Variants in ITGA9 observed in about 807,000 individuals in gnomAD.
ITGA9 encodes integrin subunit alpha 9.
A neutral mutation model predicts 127.8 loss-of-function variants in ITGA9; 56 were observed. The ratio of observed to expected loss-of-function variants is 0.44; its 90% CI spans 0.35 to 0.55. ITGA9 has a LOEUF of 0.55. Ranked by LOEUF, ITGA9 falls within the 20% of genes least tolerant of loss-of-function variation. The probability of loss-of-function intolerance (pLI) is 0.00; values close to 1 mark genes in which losing one functional copy is unlikely to be tolerated. For missense variants in ITGA9, 1,196 were observed against 1,347.1 expected (o/e 0.89, Z 1.76); for synonymous variants, 508 against 514.5 (o/e 0.99, Z 0.17).
At chr3:37,515,684 CGTGA>C (rs1698977436) in intron 9 of ITGA9, among the ~76,000 whole-genome samples, 6 of 152,114 alleles carry the variant, frequency 3.9e-5, no homozygotes, top group Non-Finnish European at 7.3e-5. Flanking sequence ...TGCAGTGAGC[CGTGA>C]TCATGCCACT....
chr3:37,664,813 A>G (rs1486241918), intron 17 of ITGA9, among the ~76,000 whole-genome samples: 1 of 152,010 alleles, frequency 6.6e-6, no homozygotes, highest in African/African-American at 2.4e-5. Flanking sequence ...ATGTAATATC[A>G]TCACTATTAT....
chr3:37,655,543 G>GT (rs1295066487), intron 17 of ITGA9, among the ~76,000 whole-genome samples: 12 of 151,688 alleles, frequency 7.9e-5, no homozygotes, highest in Non-Finnish European at 1.3e-4. Flanking sequence ...TGATGGGGTT[G>GT]TTTTTTTTCT....
intron 27 of ITGA9, among the ~76,000 whole-genome samples, chr3:37,813,030 G>A (rs1697387354): frequency 6.6e-6 from 1 of 152,236 alleles, no homozygotes; most frequent in Non-Finnish European, 1.5e-5. Flanking sequence ...GTCTGAAGGA[G>A]GCCTACTTAA....
intron 1 of ITGA9, 98 bp from the exon 2 acceptor site, chr3:37,470,909 A>G (rs1334966220): frequency 4.1e-6 from 5 of 1,228,846 alleles, no homozygotes; most frequent in Admixed American, 1.7e-5. Flanking sequence ...CAAAGTGAGC[A>G]CTCAGAGAGC....
At chr3:37,774,890 A>G (rs1337184097) in intron 23 of ITGA9, among the ~76,000 whole-genome samples, 1 of 152,232 alleles carries the variant, frequency 6.6e-6, no homozygotes, top group African/African-American at 2.4e-5. Context: ...TATATAGTAA[A>G]TCCTGGAATG....
intron 15 of ITGA9, among the ~76,000 whole-genome samples, chr3:37,595,670 A>G (rs1345707013): frequency 6.6e-6 from 1 of 152,124 alleles, no homozygotes; most frequent in African/African-American, 2.4e-5. Context: ...CTGCTTCTCC[A>G]TTCCATTCCT....
chr3:37,616,617 C>G (rs1184358620), intron 15 of ITGA9, among the ~76,000 whole-genome samples: 1 of 152,166 alleles, frequency 6.6e-6, no homozygotes, highest in African/African-American at 2.4e-5. Flanking sequence ...TTGTAGGTCA[C>G]TAAGGGCTTG....
intron 15 of ITGA9, among the ~76,000 whole-genome samples, chr3:37,553,366 G>A (rs760068010): frequency 3.3e-5 from 5 of 152,150 alleles, no homozygotes; most frequent in African/African-American, 4.8e-5. Context: ...AGAAAATCCC[G>A]CACTATTGCA....
chr3:37,737,546 C>T (rs1170589647), intron 20 of ITGA9, among the ~76,000 whole-genome samples: 3 of 152,142 alleles, frequency 2.0e-5, no homozygotes, highest in African/African-American at 7.2e-5. Flanking sequence ...AGCATGTGCC[C>T]GCCCCTCTCC....
intron 18 of ITGA9, among the ~76,000 whole-genome samples, chr3:37,716,233 G>T (rs568381825): frequency 1.8e-3 from 275 of 152,296 alleles, no homozygotes; most frequent in Non-Finnish European, 3.1e-3. Context: ...CATCTGGGGG[G>T]TCAATGTGCA....
chr3:37,781,360 A>G (rs574841188), intron 25 of ITGA9, among the ~76,000 whole-genome samples: 1 of 152,352 alleles, frequency 6.6e-6, no homozygotes, highest in African/African-American at 2.4e-5. Context: ...GAAAGCAGCC[A>G]TAGACAACAC....
intron 15 of ITGA9, among the ~76,000 whole-genome samples, chr3:37,586,329 C>T (rs1416001751): frequency 6.6e-6 from 1 of 152,184 alleles, no homozygotes; most frequent in Non-Finnish European, 1.5e-5. Context: ...TTCAACTTTA[C>T]CCTATGCCTG....
intron 18 of ITGA9, among the ~76,000 whole-genome samples, chr3:37,691,441 A>C (rs756819354): frequency 7.2e-5 from 11 of 152,166 alleles, no homozygotes; most frequent in Non-Finnish European, 1.3e-4. Context: ...GGAGGGTTCC[A>C]GCTTCACCCA....
chr3:37,585,728 G>T, intron 15 of ITGA9: 4 of 487,576 alleles, frequency 8.2e-6, no homozygotes, highest in Admixed American at 2.0e-5. Flanking sequence ...TTGCGAAGGG[G>T]TGGTGAACAC....
At chr3:37,753,072 A>G (rs1388217470) in intron 23 of ITGA9, among the ~76,000 whole-genome samples, 1 of 152,216 alleles carries the variant, frequency 6.6e-6, no homozygotes, top group African/African-American at 2.4e-5. Context: ...CCCACAGCAC[A>G]GAAAAAAAAG....
At chr3:37,660,293 A>G (rs2125651026) in intron 17 of ITGA9, among the ~76,000 whole-genome samples, 1 of 152,296 alleles carries the variant, frequency 6.6e-6, no homozygotes, top group East Asian at 1.9e-4. Flanking sequence ...AAGAAACAAA[A>G]ATATATGGAT....
intron 13 of ITGA9, among the ~76,000 whole-genome samples, chr3:37,527,259 G>A (rs1699102479): frequency 6.6e-6 from 1 of 152,236 alleles, no homozygotes; most frequent in African/African-American, 2.4e-5. Flanking sequence ...GTCAAGGAGT[G>A]TGCTGCATTC....
intron 16 of ITGA9, among the ~76,000 whole-genome samples, chr3:37,642,183 G>A (rs1056451204): frequency 1.3e-5 from 2 of 152,032 alleles, no homozygotes; most frequent in African/African-American, 4.8e-5. Flanking sequence ...TAGGCTCAAG[G>A]AATCCTCCTG....
chr3:37,760,121 C>T (rs560056552), intron 23 of ITGA9, among the ~76,000 whole-genome samples: 98 of 150,952 alleles, frequency 6.5e-4, no homozygotes, highest in African/African-American at 1.9e-3. Context: ...CTCAGGAGGC[C>T]GAGGCAGGAG....
Sources: allele counts gnomAD v4.1 joint callset (sites outside exome capture counted in the v4.1 genomes callset), GRCh38; gene constraint gnomAD v4.1.1; transcripts MANE v1.5; gene names NCBI Gene and HGNC (gene_info 2026-07-23, HGNC 2026-07-21).